Variants in FAH observed in about 807,000 individuals in gnomAD.
The protein encoded by FAH is fumarylacetoacetase.
FAH carries 47 observed loss-of-function variants against 55.8 expected under a neutral mutation model. That is an observed-to-expected ratio of 0.84 (90% CI 0.67 to 1.07). The LOEUF (loss-of-function observed/expected upper bound fraction) is 1.07. Ranked by LOEUF, FAH falls within the 50% of genes least tolerant of loss-of-function variation. The pLI is 0.00. For missense variants in FAH, 495 were observed against 545.9 expected (o/e 0.91, Z 0.93); for synonymous variants, 199 against 207.7 (o/e 0.96, Z 0.36).
chr15:80,179,064 A>G (rs922599714), intron 11 of FAH, among the ~76,000 whole-genome samples: 1 of 152,218 alleles, frequency 6.6e-6, no homozygotes, highest in Non-Finnish European at 1.5e-5. Context: ...GTCATAGAGT[A>G]CACATAGACT....
intron 10 of FAH, 67 bp from the exon 11 acceptor site, chr15:80,177,467 ATTC>A (rs1185076872): frequency 7.4e-7 from 1 of 1,356,188 alleles, no homozygotes; most frequent in Non-Finnish European, 1.1e-6. Context: ...CCACAGAACA[ATTC>A]TTTTTTTATT....
intron 7 of FAH, among the ~76,000 whole-genome samples, chr15:80,171,396 A>C (rs1233687089): frequency 6.6e-6 from 1 of 152,226 alleles, no homozygotes; most frequent in South Asian, 2.1e-4. Flanking sequence ...TTGCAAGGAC[A>C]AAAAACCAAA....
intron 7 of FAH, 114 bp downstream of exon 7, chr15:80,168,430 C>G (rs1458858356): frequency 8.9e-6 from 9 of 1,013,620 alleles, no homozygotes; most frequent in Non-Finnish European, 1.2e-5. Context: ...TCAGCCACAT[C>G]GGCAGCCGCT....
At chr15:80,186,591 TATTG>T (rs1378367280), downstream of FAH, 14 of 297,284 alleles carry the variant, frequency 4.7e-5, no homozygotes, top group Admixed American at 3.7e-4. Flanking sequence ...GAGATCGATT[TATTG>T]ATTGATTGAT....
At chr15:80,167,969 T>G in intron 5 of FAH, 83 bp from the exon 6 acceptor site, 1 of 1,137,376 alleles carries the variant, frequency 8.8e-7, no homozygotes, top group Non-Finnish European at 1.3e-6. Context: ...CGACTCTTTG[T>G]TTCTAGTTTT....
chr15:80,177,337 AG>A lies in FAH; in HGVS notation c.914-198del, dbSNP rs1159183171. The A allele has an allele frequency of 4.9e-6, 3 of 612,710 alleles. No individual in the cohort carries two copies. The East Asian group carries it at 8.5e-5, about 17-fold the overall frequency. 38.0% of individuals were successfully genotyped at this position (612,710 alleles called of 1,614,324 possible). ...TGCTGCCTGCTGTAGGCGTGGGAGGAGGAAGTGATGACTTGTGTGCATGTAT... is the reference window on the plus strand; with the variant it reads ...TGCTGCCTGCTGTAGGCGTGGGAGGAGAAGTGATGACTTGTGTGCATGTAT... On this transcript the variant is annotated intron_variant, in intron 10 of 13. Coordinates refer to ENST00000561421, the MANE Select transcript of FAH (RefSeq NM_000137.4).
intron 1 of FAH, chr15:80,156,373 T>A (rs1297492291): frequency 6.5e-6 from 1 of 153,532 alleles, no homozygotes; most frequent in Non-Finnish European, 1.5e-5. Flanking sequence ...CATGATCATC[T>A]GTATATCTAA....
At chr15:80,174,540 G>A (rs902962365) in intron 9 of FAH, among the ~76,000 whole-genome samples, 1 of 152,324 alleles carries the variant, frequency 6.6e-6, no homozygotes, top group South Asian at 2.1e-4. Flanking sequence ...GCTTTTGGCC[G>A]GAGTGCAGGC....
Position 80,175,017 on chromosome 15 carries a change from AC to A in FAH, c.843del (p.Arg282GlyfsTer22). The A allele has an allele frequency of 6.2e-7, 1 of 1,613,554 alleles. No homozygotes were observed. Among genetic ancestry groups the A allele is most frequent in the Non-Finnish European group, 8.5e-7 (1 of 1,179,896 alleles). On this transcript the variant is annotated frameshift_variant and splice_region_variant, in exon 10 of 14. Transcript: ENST00000561421. LOFTEE classifies it high-confidence loss of function. ...CTGTGCTGTGCTTTGCCCTCTCAGGACCCCAGGCCCCTGCCGTATCTGTGCC... is the reference window on the plus strand; with the variant it reads ...CTGTGCTGTGCTTTGCCCTCTCAGGACCCAGGCCCCTGCCGTATCTGTGCC... Reference protein sequence around the residue: ...MPFAVPNPKQDPRPLPYLCHD... With the variant: ...MPFAVPNPKQXPRPLPYLCHD...
intron 1 of FAH, among the ~76,000 whole-genome samples, chr15:80,155,649 A>T (rs879734496): frequency 6.6e-6 from 1 of 152,128 alleles, no homozygotes; most frequent in Non-Finnish European, 1.5e-5. Flanking sequence ...CACTGCTACC[A>T]CTGAGACACA....
chr15:80,174,927 G>A, intron 9 of FAH, 89 bp from the exon 10 acceptor site: 2 of 1,028,428 alleles, frequency 1.9e-6, no homozygotes, highest in South Asian at 1.3e-5. Flanking sequence ...GGGAGCAGGT[G>A]CTGCTGGGGG....
intron 3 of FAH, chr15:80,160,099 G>T (rs1226391244): frequency 6.0e-6 from 4 of 666,468 alleles, no homozygotes; most frequent in Non-Finnish European, 1.0e-5. Flanking sequence ...GCTAGGCCAG[G>T]CCAGGCCCAT....
intron 13 of FAH, among the ~76,000 whole-genome samples, chr15:80,184,918 C>G (rs978698629): frequency 6.6e-6 from 1 of 152,156 alleles, no homozygotes; most frequent in Non-Finnish European, 1.5e-5. Context: ...CCTTTCCCTC[C>G]ATGCTGCTCG....
intron 4 of FAH, 130 bp downstream of exon 4, chr15:80,160,589 G>C (rs945006673): frequency 6.6e-5 from 57 of 861,046 alleles, no homozygotes; most frequent in Admixed American, 1.3e-4. Flanking sequence ...AGGGGCTCTG[G>C]GGCTGTTACC....
At chr15:80,167,497 A>T (rs1178036910) in intron 5 of FAH, among the ~76,000 whole-genome samples, 1 of 150,342 alleles carries the variant, frequency 6.7e-6, no homozygotes, top group Non-Finnish European at 1.5e-5. Context: ...GATTACATGT[A>T]TAAAGACTCT....
chr15:80,179,658 C>T (rs1353631304), intron 11 of FAH, among the ~76,000 whole-genome samples: 1 of 152,176 alleles, frequency 6.6e-6, no homozygotes, highest in Non-Finnish European at 1.5e-5. Flanking sequence ...GCCCAGTGTC[C>T]ATCCCAAGGC....
intron 1 of FAH, chr15:80,156,142 T>TAAG (rs1170816404): frequency 3.9e-6 from 1 of 254,928 alleles, no homozygotes; most frequent in Non-Finnish European, 7.8e-6. Flanking sequence ...AATGGGTGCC[T>TAAG]TCCCAGGCAC....
intron 9 of FAH, 62 bp from the exon 10 acceptor site, chr15:80,174,954 G>T (rs2041269915): frequency 1.0e-5 from 15 of 1,446,882 alleles, no homozygotes; most frequent in Non-Finnish European, 1.5e-5. Context: ...TGGTATGGGG[G>T]CCCAGCCGGG....
chr15:80,153,223 G>C (rs2041068753), intron 1 of FAH, 88 bp downstream of exon 1: 1 of 1,095,414 alleles, frequency 9.1e-7, no homozygotes, highest in Non-Finnish European at 1.4e-6. Flanking sequence ...GAATGGAGTG[G>C]AATGAGGGGC....
Sources: gnomAD v4.1 joint callset for allele counts (sites outside exome capture counted in the v4.1 genomes callset) on GRCh38, gnomAD v4.1.1 for gene constraint, MANE v1.5 for transcripts, NCBI Gene and HGNC (gene_info 2026-07-23, HGNC 2026-07-21) for gene names.